The following PPP1R13B variants were observed in gnomAD, a reference collection of about 807,000 sequenced individuals.
PPP1R13B encodes the protein apoptosis-stimulating of p53 protein 1.
Under a neutral mutation model 119.8 loss-of-function variants are expected in PPP1R13B, and 44 were observed. The observed-to-expected ratio is 0.37, with a 90% CI of 0.29 to 0.47. PPP1R13B has a LOEUF of 0.47. Among genes scored for constraint, PPP1R13B ranks in the 20% least tolerant of loss-of-function variants. The pLI, the probability that PPP1R13B is intolerant of heterozygous loss-of-function variation, is 0.99. For synonymous variants in PPP1R13B, 542 were observed against 561.5 expected (o/e 0.97, Z 0.49); for missense variants, 1,227 against 1,413.5 (o/e 0.87, Z 2.12).
Position 103,847,333 on chromosome 14 carries a change from GGCC to G in PPP1R13B, c.-29_-27del. ...CGCGGGGAGAGTCCGCGACGCCCTCGGCCGCCGCCTGACAGGACGCTCCGCGCC... is the reference window on the plus strand; with the variant it reads ...CGCGGGGAGAGTCCGCGACGCCCTCGGCCGCCTGACAGGACGCTCCGCGCC... On this transcript the variant is annotated 5_prime_UTR_variant, in exon 1 of 17. Transcript: ENST00000202556. 1 of 1,184,556 alleles carries G rather than the reference GGCC, an allele frequency of 8.4e-7. No homozygotes were observed. Among genetic ancestry groups the G allele is most frequent in the South Asian group, 1.8e-5 (1 of 55,448 alleles). 73.4% of individuals were successfully genotyped at this position (1,184,556 alleles called of 1,614,324 possible).
At chr14:103,832,574 T>C (rs2086685256) in intron 1 of PPP1R13B, among the ~76,000 whole-genome samples, 1 of 152,258 alleles carries the variant, frequency 6.6e-6, no homozygotes, top group Non-Finnish European at 1.5e-5. Context: ...GACCCTTCTC[T>C]GCCTTGACTA....
intron 8 of PPP1R13B, chr14:103,746,977 C>CA (rs2084400533): frequency 6.5e-6 from 1 of 154,372 alleles, no homozygotes; most frequent in African/African-American, 2.4e-5. Context: ...TGTGCTCACA[C>CA]CCGTGGAGTC....
chr14:103,790,522 A>G (rs940888576), intron 2 of PPP1R13B, among the ~76,000 whole-genome samples: 4 of 152,184 alleles, frequency 2.6e-5, no homozygotes, highest in African/African-American at 9.7e-5. Context: ...CACGGCTGTA[A>G]TCCCAGCACT....
chr14:103,748,137 C>G (rs2151974632), intron 8 of PPP1R13B, among the ~76,000 whole-genome samples: 1 of 152,088 alleles, frequency 6.6e-6, no homozygotes, highest in East Asian at 1.9e-4. Context: ...GCTACTGGTT[C>G]TCTTTCTCTA....
rs765560917 is a variant in PPP1R13B, at chr14:103,740,620, T to G, written c.1823-27A>C. 6.7e-7 allele frequency: 1 copy of G among 1,483,968 alleles called. No homozygotes were observed. 91.9% of individuals were successfully genotyped at this position (1,483,968 alleles called of 1,614,324 possible). On this transcript the variant is annotated intron_variant, in intron 11 of 16. Coordinates refer to ENST00000202556, the MANE Select transcript of PPP1R13B (RefSeq NM_015316.3). This position sits in a 1 kb window ranked among gnomAD's most constrained non-coding sequence, Gnocchi z 4.6. ...TGGGGAAGACACAAAGGACAGGCAA[T>G]TTTGACCTCACTACAGAGATCTAGT...
intron 1 of PPP1R13B, among the ~76,000 whole-genome samples, chr14:103,815,618 G>A (rs1451622010): frequency 2.0e-5 from 3 of 151,938 alleles, no homozygotes; most frequent in East Asian, 3.9e-4. Context: ...TATCCTGCAC[G>A]GTGGCGGGCG....
chr14:103,791,130 T>G (rs1193615528), intron 2 of PPP1R13B, among the ~76,000 whole-genome samples: 1 of 151,974 alleles, frequency 6.6e-6, no homozygotes, highest in Admixed American at 6.6e-5. Flanking sequence ...TCTTCTTTTT[T>G]TTTTTTTAAG....
At chr14:103,774,887 C>T (rs1375217811) in intron 4 of PPP1R13B, among the ~76,000 whole-genome samples, 1 of 152,166 alleles carries the variant, frequency 6.6e-6, no homozygotes, top group Non-Finnish European at 1.5e-5. Context: ...AATACAGTAA[C>T]ATCTTTGATG....
chr14:103,790,200 G>A (rs2085581184), intron 2 of PPP1R13B, among the ~76,000 whole-genome samples: 1 of 150,016 alleles, frequency 6.7e-6, no homozygotes, highest in Non-Finnish European at 1.5e-5. Context: ...GAGCCAAGAT[G>A]GCACCACTAC....
intron 7 of PPP1R13B, among the ~76,000 whole-genome samples, chr14:103,752,532 T>C (rs996998138): frequency 2.3e-5 from 3 of 129,282 alleles, no homozygotes; most frequent in African/African-American, 6.2e-5. Flanking sequence ...GTGAATTAGA[T>C]CCTTTTTTTT....
intron 8 of PPP1R13B, among the ~76,000 whole-genome samples, chr14:103,748,109 A>G (rs980221918): frequency 7.4e-6 from 1 of 135,086 alleles, no homozygotes; most frequent in Non-Finnish European, 1.6e-5. Flanking sequence ...ACACACACAC[A>G]CACACGTGCA....
chr14:103,826,804 A>G (rs188570349), intron 1 of PPP1R13B, among the ~76,000 whole-genome samples: 1 of 150,288 alleles, frequency 6.7e-6, no homozygotes, highest in Non-Finnish European at 1.5e-5. Context: ...GTCAGGAGAT[A>G]GAGACCATCC....
chr14:103,836,964 TATTA>T (rs1366219809), intron 1 of PPP1R13B, among the ~76,000 whole-genome samples: 2 of 152,216 alleles, frequency 1.3e-5, no homozygotes, highest in East Asian at 3.8e-4. Flanking sequence ...TGATGTTGAC[TATTA>T]TTTACTGATA....
upstream of PPP1R13B, chr14:103,848,474 G>T: frequency 1.0e-6 from 1 of 985,472 alleles, no homozygotes; most frequent in Non-Finnish European, 1.2e-6. Context: ...CCCGCTCGGG[G>T]CCCCCCACAT....
intron 2 of PPP1R13B, among the ~76,000 whole-genome samples, chr14:103,785,157 T>C (rs2085429162): frequency 6.6e-6 from 1 of 152,202 alleles, no homozygotes; most frequent in Non-Finnish European, 1.5e-5. Context: ...CAACATTAAA[T>C]AGGGAACACT....
intron 9 of PPP1R13B, among the ~76,000 whole-genome samples, chr14:103,745,480 T>G (rs2084362986): frequency 1.3e-5 from 2 of 152,184 alleles, no homozygotes; most frequent in Admixed American, 1.3e-4. Flanking sequence ...ATAAAGAAAG[T>G]CTTATTGCAA....
At chr14:103,752,016 A>G (rs1372821540) in intron 7 of PPP1R13B, among the ~76,000 whole-genome samples, 1 of 152,230 alleles carries the variant, frequency 6.6e-6, no homozygotes, top group African/African-American at 2.4e-5. Flanking sequence ...GAAGCCGGTC[A>G]CAAAGGACCG....
At chr14:103,842,543 T>C (rs567059527) in intron 1 of PPP1R13B, among the ~76,000 whole-genome samples, 17 of 150,966 alleles carry the variant, frequency 1.1e-4, no homozygotes, top group African/African-American at 3.9e-4. Flanking sequence ...CCTCAGGTGA[T>C]CTGCCCATCT....
chr14:103,786,850 C>T (rs1244438033), intron 2 of PPP1R13B, among the ~76,000 whole-genome samples: 1 of 144,872 alleles, frequency 6.9e-6, no homozygotes, highest in Non-Finnish European at 1.5e-5. Context: ...GTGGGAGGAT[C>T]GCTTGAGCCA....
Sources: gnomAD v4.1 joint callset for allele counts (sites outside exome capture counted in the v4.1 genomes callset) on GRCh38, gnomAD v4.1.1 for gene constraint, Gnocchi (gnomAD v3.1) non-coding constraint, MANE v1.5 for transcripts, NCBI Gene and HGNC (gene_info 2026-07-23, HGNC 2026-07-21) for gene names.